Variants in PRKCH observed in about 807,000 individuals in gnomAD.
The protein encoded by PRKCH is protein kinase C eta, also known as protein kinase C eta type.
PRKCH carries 28 observed loss-of-function variants against 82.5 expected under a neutral mutation model. The observed-to-expected ratio is 0.34, with a 90% CI of 0.25 to 0.47. PRKCH has a LOEUF of 0.47. PRKCH is among the 20% of genes least tolerant of loss of function. The pLI is 1.00. For synonymous variants in PRKCH, 322 were observed against 327.4 expected (o/e 0.98, Z 0.18); for missense variants, 705 against 881.8 (o/e 0.80, Z 2.54).
rs897599022 is a variant in PRKCH at position 61,432,913 on chromosome 14, TA to T, written c.428-10189del. On this transcript the variant is annotated intron_variant, in intron 2 of 13. Coordinates refer to ENST00000332981, the MANE Select transcript of PRKCH (RefSeq NM_006255.5). ...TTTTTTTTCCTTTATTTCTTCTTAA[TA>T]AAAAAAAAGTGGGGGGGATACATGT... 1.5e-3 allele frequency among the ~76,000 whole-genome samples: 16 copies of T among 10,526 alleles called. No homozygotes were observed. The East Asian group carries it at 0.024, about 16-fold the overall frequency. 6.9% of individuals were successfully genotyped at this position (10,526 alleles called of 152,430 possible).
chr14:61,521,455 C>T (rs913086313), intron 10 of PRKCH, among the ~76,000 whole-genome samples: 2 of 152,042 alleles, frequency 1.3e-5, no homozygotes, highest in African/African-American at 4.8e-5. Flanking sequence ...TAATTTTACA[C>T]TCACAAGAGT....
At chr14:61,539,086 A>C (rs967654525) in intron 12 of PRKCH, among the ~76,000 whole-genome samples, 1 of 152,186 alleles carries the variant, frequency 6.6e-6, no homozygotes, top group Admixed American at 6.5e-5. Context: ...GAGCTGCTTG[A>C]GACTGGTTTG....
intron 1 of PRKCH, among the ~76,000 whole-genome samples, chr14:61,194,525 C>T (rs551250171): frequency 5.3e-5 from 8 of 152,232 alleles, no homozygotes; most frequent in African/African-American, 1.9e-4. Flanking sequence ...CACCAGACAC[C>T]AAATTTGCCT....
intron 1 of PRKCH, among the ~76,000 whole-genome samples, chr14:61,359,039 G>A (rs979114234): frequency 1.3e-5 from 2 of 152,174 alleles, no homozygotes; most frequent in African/African-American, 4.8e-5. Flanking sequence ...ATCTATTTAT[G>A]TGTCTTTCCT....
At chr14:61,256,062 A>T (rs2044995508) in intron 1 of PRKCH, among the ~76,000 whole-genome samples, 1 of 152,158 alleles carries the variant, frequency 6.6e-6, no homozygotes, top group Non-Finnish European at 1.5e-5. Context: ...ATGCATTTGC[A>T]CTTGAAGGGT....
chr14:61,435,729 AAT>A (rs1883646863), intron 2 of PRKCH, among the ~76,000 whole-genome samples: 2 of 150,224 alleles, frequency 1.3e-5, no homozygotes, highest in African/African-American at 4.9e-5. Context: ...TGAATGAATG[AAT>A]GAATGAATGA....
chr14:61,321,898 T>C lies in PRKCH; in HGVS notation c.-204T>C. 7.6e-6 allele frequency: 4 copies of C among 524,218 alleles called. No individual in the cohort carries two copies. The South Asian group carries it at 7.8e-5, about 10-fold the overall frequency. The allele number at this position is 524,218 out of a possible 1,614,324, so 32.5% of individuals were successfully genotyped here. A position where few individuals can be genotyped will look rare whatever the true frequency, so the allele number is the denominator to read the frequency against. On this transcript the variant is annotated 5_prime_UTR_variant, in exon 1 of 14. Transcript: ENST00000332981. The surrounding 1 kb of genome is among the most constrained non-coding windows in gnomAD (Gnocchi z 4.1). ...GGGCTCGGCGGCGGGCTCCCCTCCT[T>C]TCCACCTCGGGAGGGAGGGAAGGAG...
At chr14:61,215,733 G>A (rs1033012445) in intron 1 of PRKCH, among the ~76,000 whole-genome samples, 11 of 152,246 alleles carry the variant, frequency 7.2e-5, no homozygotes, top group African/African-American at 2.4e-4. Flanking sequence ...GCCATGTTTC[G>A]ATAGAAGAGT....
chr14:61,350,193 C>T (rs567401513), intron 1 of PRKCH, among the ~76,000 whole-genome samples: 9 of 152,300 alleles, frequency 5.9e-5, no homozygotes, highest in South Asian at 2.1e-4. Flanking sequence ...CTTTCCTCCA[C>T]GTCTCCTCCC....
chr14:61,466,169 A>G (rs971137591), intron 9 of PRKCH, among the ~76,000 whole-genome samples: 1 of 152,176 alleles, frequency 6.6e-6, no homozygotes, highest in South Asian at 2.1e-4. Flanking sequence ...GGATTAAGGT[A>G]GTGGAATTAT....
At chr14:61,258,223 G>T (rs1458256425) in intron 1 of PRKCH, among the ~76,000 whole-genome samples, 2 of 152,114 alleles carry the variant, frequency 1.3e-5, no homozygotes, top group African/African-American at 4.8e-5. Flanking sequence ...AACACAGATT[G>T]ACAGGGAAAG....
chr14:61,235,350 T>A (rs1450016565), intron 1 of PRKCH, among the ~76,000 whole-genome samples: 4 of 152,232 alleles, frequency 2.6e-5, no homozygotes, highest in Non-Finnish European at 5.9e-5. Context: ...TTTTACCTTC[T>A]TCAGTCAGAG....
At chr14:61,201,919 G>T (rs775873584) in intron 1 of PRKCH, among the ~76,000 whole-genome samples, 1 of 152,126 alleles carries the variant, frequency 6.6e-6, no homozygotes, top group African/African-American at 2.4e-5. Flanking sequence ...TGAGCCTGGG[G>T]TGCTGATTAT....
chr14:61,503,293 G>GCT (rs1887000463), intron 10 of PRKCH, among the ~76,000 whole-genome samples: 1 of 138,212 alleles, frequency 7.2e-6, no homozygotes, highest in African/African-American at 2.6e-5. Flanking sequence ...TGTGTTAGTG[G>GCT]TTTTTTTTTT....
intron 1 of PRKCH, among the ~76,000 whole-genome samples, chr14:61,299,493 A>AG (rs146289633): frequency 0.011 from 1,738 of 152,184 alleles, 23 homozygotes; most frequent in East Asian, 0.067. Flanking sequence ...TTCTACTGGG[A>AG]GACTGCCTTC....
intron 9 of PRKCH, among the ~76,000 whole-genome samples, chr14:61,459,094 T>C (rs1884915293): frequency 6.6e-6 from 1 of 152,180 alleles, no homozygotes; most frequent in Non-Finnish European, 1.5e-5. Flanking sequence ...ATTGGGCTTT[T>C]GGTATCAATG....
At chr14:61,283,697 AAATTAT>A (rs1359328925) in intron 1 of PRKCH, among the ~76,000 whole-genome samples, 1 of 152,150 alleles carries the variant, frequency 6.6e-6, no homozygotes, top group Admixed American at 6.5e-5. Flanking sequence ...AAATAAAAAC[AAATTAT>A]CTGGGTGTGG....
At chr14:61,528,522 GC>G (rs2043000180) in intron 10 of PRKCH, among the ~76,000 whole-genome samples, 1 of 152,098 alleles carries the variant, frequency 6.6e-6, no homozygotes, top group South Asian at 2.1e-4. Flanking sequence ...GCATAATGGC[GC>G]CAGGCATAAT....
chr14:61,530,518 C>G lies in PRKCH; in HGVS notation c.1684C>G (p.Leu562Val). 1 of 1,612,236 alleles carries G rather than the reference C, an allele frequency of 6.2e-7. No individual in the cohort carries two copies. Among genetic ancestry groups the G allele is most frequent in the Non-Finnish European group, 8.5e-7 (1 of 1,179,148 alleles). The stretch of plus-strand genomic sequence containing the variant: ...TTTTGAGGCAGAGAACGAAGATGAC[C>G]TCTTTGAGGCCATACTGAATGATGA... ...APFEAENEDDLFEAILNDEVV... is the reference protein window; with the variant it reads ...APFEAENEDDVFEAILNDEVV... Residue 562 changes from leucine (L) to valine (V), a missense_variant, in exon 12 of 14, where the codon CTC becomes GTC. By Grantham distance (32) the Leu-to-Val change is conservative. Around this residue, in one of 5 missense-constraint regions of PRKCH, gnomAD observed 115 missense variants for 193.8 expected, o/e 0.59. Transcript: ENST00000332981.
Sources: gnomAD v4.1 joint callset for allele counts (sites outside exome capture counted in the v4.1 genomes callset) on GRCh38, gnomAD v4.1.1 for gene constraint, gnomAD v4.1.1 regional missense constraint, Gnocchi (gnomAD v3.1) non-coding constraint, MANE v1.5 for transcripts, NCBI Gene and HGNC (gene_info 2026-07-23, HGNC 2026-07-21) for gene names.